PFKP: variants seen among roughly 807,000 people sequenced by gnomAD.
PFKP encodes the protein ATP-dependent 6-phosphofructokinase, platelet type.
PFKP carries 101 observed loss-of-function variants against 94.3 expected under a neutral mutation model. The observed-to-expected ratio is 1.07, with a 90% confidence interval of 0.91 to 1.26. The LOEUF (loss-of-function observed/expected upper bound fraction) is 1.26, where lower values mean the gene tolerates loss of function less well. Ranked by LOEUF, PFKP falls within the 50% of genes most tolerant of loss-of-function variation. PFKP has a pLI of 0.00. For missense variants in PFKP, 1,145 were observed against 1,103.3 expected (o/e 1.04, Z -0.53); for synonymous variants, 573 against 432.6 (o/e 1.32, Z -4.03).
chr10:3,135,946 G>A (rs1442842957), intron 21 of PFKP, 108 bp downstream of exon 21: 4 of 707,146 alleles, frequency 5.7e-6, no homozygotes, highest in Admixed American at 2.5e-5. Flanking sequence ...TTGAGGAACT[G>A]GCTTTTCTGA....
At chr10:3,135,072 A>C (rs1343656573) in intron 20 of PFKP, among the ~76,000 whole-genome samples, 1 of 152,212 alleles carries the variant, frequency 6.6e-6, no homozygotes, top group Non-Finnish European at 1.5e-5. Context: ...ATTCTAAGAA[A>C]TCTTTAAACT....
Position 3,112,269 on chromosome 10 carries a change from G to C in PFKP, c.1137G>C (p.Ala379=), listed in dbSNP as rs2306302. The change falls in exon 11 of 22, where the codon GCG becomes GCC. Residue 379 remains alanine, a synonymous_variant. Coordinates refer to ENST00000381125, the MANE Select transcript of PFKP (RefSeq NM_002627.5). ...KAMDERRFQD[A]VRLRGRSFAG... is the part of the protein sequence containing the mutation. ...TGGACGAGAGGAGATTTCAAGATGC[G>C]GTTCGACTCCGAGGGAGGTGAGGTG... The C allele has an allele frequency of 3.7e-6, 6 of 1,613,292 alleles. No individual in the cohort carries two copies. Among genetic ancestry groups the C allele is most frequent in the African/African-American group, 1.3e-5 (1 of 74,874 alleles).
At chr10:3,108,362 A>AT (rs1253911650) in intron 8 of PFKP, among the ~76,000 whole-genome samples, 1 of 152,218 alleles carries the variant, frequency 6.6e-6, no homozygotes, top group East Asian at 1.9e-4. Flanking sequence ...AGATGTTTAC[A>AT]TTTTTTGTAA....
chr10:3,069,165 G>C (rs966545914), intron 1 of PFKP: 1 of 1,091,676 alleles, frequency 9.2e-7, no homozygotes, highest in Non-Finnish European at 1.2e-6. Context: ...GGGAGACCCG[G>C]GTGGCAGCGC....
intron 1 of PFKP, among the ~76,000 whole-genome samples, chr10:3,077,117 G>A (rs1265247595): frequency 6.6e-6 from 1 of 152,082 alleles, no homozygotes; most frequent in Non-Finnish European, 1.5e-5. Flanking sequence ...GAGTGATCAG[G>A]AGTGTGGGAA....
At chr10:3,119,772 G>A (rs888968004) in intron 15 of PFKP, 120 bp from the exon 16 acceptor site, 12 of 622,076 alleles carry the variant, frequency 1.9e-5, no homozygotes, top group South Asian at 9.4e-5. Flanking sequence ...GAGTGTTTTC[G>A]TGATGCCCCA....
intron 14 of PFKP, among the ~76,000 whole-genome samples, chr10:3,117,880 C>T (rs948562142): frequency 6.6e-6 from 1 of 152,232 alleles, no homozygotes; most frequent in African/African-American, 2.4e-5. Context: ...CAGGTTTGCA[C>T]TTAGCTGCAT....
At position 3,112,537 on chromosome 10, in the gene PFKP, C is replaced by T. The variant is rs542528992; in HGVS notation, c.1154+251C>T. 2.0e-5 allele frequency among the ~76,000 whole-genome samples: 3 copies of T among 152,286 alleles called. No individual in the cohort carries two copies. The South Asian group carries it at 6.2e-4, about 32-fold the overall frequency. ...TTTAGGAGCTAATGAGATTAAGGCA[C>T]AAGGTGACTTGTGGCCCTTTAACAA... is the stretch of plus-strand genomic sequence containing the variant. On this transcript the variant is annotated intron_variant, in intron 11 of 21. Transcript: ENST00000381125.
Position 3,081,147 on chromosome 10 carries a change from C to T in PFKP, c.113-1241C>T, listed in dbSNP as rs150097503. Reference sequence around the variant, plus strand: ...TAGATACATAGTAAACATGCATTTACCTCTAAAATATGTATCCCCAAGGTT... The same window carrying T: ...TAGATACATAGTAAACATGCATTTATCTCTAAAATATGTATCCCCAAGGTT... On this transcript the variant is annotated intron_variant, in intron 1 of 21. Coordinates refer to ENST00000381125, the MANE Select transcript of PFKP (RefSeq NM_002627.5). 2.9e-3 allele frequency among the ~76,000 whole-genome samples: 445 copies of T among 152,232 alleles called. 2 individuals carry two copies. Among genetic ancestry groups the T allele is most frequent in the African/African-American group, 8.0e-3 (333 of 41,526 alleles).
intron 1 of PFKP, among the ~76,000 whole-genome samples, chr10:3,070,015 G>C (rs150980262): frequency 2.6e-3 from 402 of 152,366 alleles, no homozygotes; most frequent in African/African-American, 9.3e-3. Flanking sequence ...TGCAACCTCG[G>C]GTTAATAGGA....
chr10:3,093,298 A>G (rs1413828825), intron 2 of PFKP, among the ~76,000 whole-genome samples: 1 of 152,084 alleles, frequency 6.6e-6, no homozygotes, highest in African/African-American at 2.4e-5. Context: ...CATCCCGTTC[A>G]GTCACATCTC....
Position 3,082,463 on chromosome 10 carries a change from T to G in PFKP, c.186+2T>G, listed in dbSNP as rs765348848. 1 of 1,601,818 alleles carries G rather than the reference T, an allele frequency of 6.2e-7. No individual in the cohort carries two copies. The highest frequency in any genetic ancestry group is 8.5e-7 in the Non-Finnish European group (1 of 1,171,882). On this transcript the variant is annotated splice_donor_variant, in intron 2 of 21. Transcript: ENST00000381125. LOFTEE classifies it high-confidence loss of function. Reference sequence around the variant, plus strand: ...GCCAAGGTGTACTTCATCTACGAGGTCAGTGTCTGCCCCTCACCCCCTGTC... The same window carrying G: ...GCCAAGGTGTACTTCATCTACGAGGGCAGTGTCTGCCCCTCACCCCCTGTC...
intron 1 of PFKP, among the ~76,000 whole-genome samples, chr10:3,076,076 A>G (rs1408719538): frequency 6.6e-6 from 1 of 150,798 alleles, no homozygotes; most frequent in East Asian, 2.0e-4. Context: ...TATGTTTTAT[A>G]TTCAATCCAC....
In PFKP at chr10:3,113,167, GC is replaced by G. The variant is rs772472253; in HGVS notation, c.1205del (p.Pro402ArgfsTer12). 8 of 1,612,564 alleles carry G rather than the reference GC, an allele frequency of 5.0e-6. No homozygotes were observed. The Admixed American group carries it at 1.3e-4, about 27-fold the overall frequency. ...NTYKRLAIKL[P>X]DDQIPKTNCN... ...CCTACAAGCGACTTGCCATCAAGCTGCCGGATGATCAGATCCCAAAGGTAGG... is the reference window on the plus strand; with the variant it reads ...CCTACAAGCGACTTGCCATCAAGCTGCGGATGATCAGATCCCAAAGGTAGG... On this transcript the variant is annotated frameshift_variant, in exon 12 of 22. Transcript: ENST00000381125. LOFTEE classifies it high-confidence loss of function.
Position 3,134,502 on chromosome 10 carries a change from T to G in PFKP, c.2042T>G (p.Phe681Cys). ...CAACAGGGTGGGGCACCCTCTCCAT[T>G]TGATAGAAACTTTGGAACCAAAATC... is the stretch of plus-strand genomic sequence containing the variant. ...HMQQGGAPSP[F>C]DRNFGTKISA... Residue 681 changes from phenylalanine to cysteine, a missense_variant, in exon 20 of 22, where the codon TTT becomes TGT. Transcript: ENST00000381125. 1 of 1,613,258 alleles carries G rather than the reference T, an allele frequency of 6.2e-7. No individual in the cohort carries two copies. Among genetic ancestry groups the G allele is most frequent in the Non-Finnish European group, 8.5e-7 (1 of 1,179,258 alleles).
intron 10 of PFKP, among the ~76,000 whole-genome samples, chr10:3,111,678 G>A (rs577014126): frequency 2.0e-5 from 3 of 152,220 alleles, no homozygotes; most frequent in Admixed American, 6.5e-5. Flanking sequence ...GAGCGAGAAA[G>A]AACTTGACCA....
At chr10:3,111,816 G>A (rs1226774800) in intron 10 of PFKP, among the ~76,000 whole-genome samples, 1 of 152,146 alleles carries the variant, frequency 6.6e-6, no homozygotes, top group African/African-American at 2.4e-5. Flanking sequence ...CCCCCAGTGA[G>A]CTGGTGTGTT....
intron 1 of PFKP, 36 bp downstream of exon 1, chr10:3,067,743 G>A (rs1323973881): frequency 8.4e-7 from 1 of 1,190,464 alleles, no homozygotes; most frequent in African/African-American, 1.6e-5. Context: ...GGGAGGGACG[G>A]ACGGACGGAG....
At chr10:3,101,100 T>A (rs1264351308) in intron 3 of PFKP, 4 of 965,156 alleles carry the variant, frequency 4.1e-6, no homozygotes, top group Non-Finnish European at 6.6e-6. Flanking sequence ...CTGCTCCATG[T>A]ATTTAACTGC....
Sources: gnomAD v4.1 joint callset for allele counts (sites outside exome capture counted in the v4.1 genomes callset) on GRCh38, gnomAD v4.1.1 for gene constraint, MANE v1.5 for transcripts, NCBI Gene and HGNC (gene_info 2026-07-23, HGNC 2026-07-21) for gene names.